FERMT2: variants seen among roughly 807,000 people sequenced by gnomAD.
The protein encoded by FERMT2 is FERM domain containing kindlin 2.
FERMT2 carries 15 observed loss-of-function variants against 82.7 expected under a neutral mutation model. That is an observed-to-expected ratio of 0.18 (90% CI 0.12 to 0.28). The LOEUF is 0.28. Among genes scored for constraint, FERMT2 ranks in the 10% least tolerant of loss-of-function variants. The pLI is 1.00. For synonymous variants in FERMT2, 274 were observed against 271.5 expected, an observed-to-expected ratio of 1.01 and a Z score of -0.09; for missense variants, 645 against 809.4, an observed-to-expected ratio of 0.80 and a Z score of 2.46.
intron 3 of FERMT2, among the ~76,000 whole-genome samples, chr14:52,914,530 A>C (rs908008290): frequency 6.6e-6 from 1 of 152,218 alleles, no homozygotes; most frequent in Non-Finnish European, 1.5e-5. Context: ...TAGAGGTTTA[A>C]TCCAATACCA....
intron 2 of FERMT2, among the ~76,000 whole-genome samples, chr14:52,935,848 T>C (rs968355226): frequency 6.6e-6 from 1 of 152,198 alleles, no homozygotes; most frequent in African/African-American, 2.4e-5. Context: ...GAATCTGAGA[T>C]AATGTCTATC....
chr14:52,944,602 T>C (rs1890241706), intron 2 of FERMT2, among the ~76,000 whole-genome samples: 2 of 152,360 alleles, frequency 1.3e-5, no homozygotes, highest in Non-Finnish European at 2.9e-5. Context: ...TGGTGCTCAA[T>C]TAATGAAACT....
intron 2 of FERMT2, among the ~76,000 whole-genome samples, chr14:52,945,734 C>A (rs1890319780): frequency 6.6e-6 from 1 of 152,162 alleles, no homozygotes; most frequent in African/African-American, 2.4e-5. Flanking sequence ...TTCCTCTCTG[C>A]TCACAGAGCT....
chr14:52,919,408 T>TTAA, intron 2 of FERMT2, 52 bp from the exon 3 acceptor site: 1 of 1,381,804 alleles, frequency 7.2e-7, no homozygotes, highest in Non-Finnish European at 1.0e-6. Flanking sequence ...AAGGTGATTT[T>TTAA]GAGAAATTAA....
At chr14:52,875,825 G>A (rs914760168) in intron 7 of FERMT2, among the ~76,000 whole-genome samples, 11 of 152,050 alleles carry the variant, frequency 7.2e-5, no homozygotes, top group South Asian at 2.1e-4. Flanking sequence ...TTATTATGTC[G>A]AAAGCTAAAA....
chr14:52,927,696 G>A (rs1354287664), intron 2 of FERMT2, among the ~76,000 whole-genome samples: 8 of 151,228 alleles, frequency 5.3e-5, no homozygotes, highest in Non-Finnish European at 1.0e-4. Context: ...TTGACTCTGG[G>A]TGGTCAAGGT....
intron 2 of FERMT2, among the ~76,000 whole-genome samples, chr14:52,930,142 G>C (rs1889495307): frequency 6.6e-6 from 1 of 152,030 alleles, no homozygotes; most frequent in Non-Finnish European, 1.5e-5. Flanking sequence ...TTCAACTTCA[G>C]AATTAAAATA....
At chr14:52,893,225 C>G in intron 4 of FERMT2, 68 bp downstream of exon 4, 4 of 1,394,976 alleles carry the variant, frequency 2.9e-6, no homozygotes, top group Non-Finnish European at 3.8e-6. Context: ...ATTTACCCAC[C>G]ACCAGAAAGA....
chr14:52,933,748 A>G (rs955216613), intron 2 of FERMT2, among the ~76,000 whole-genome samples: 5 of 151,600 alleles, frequency 3.3e-5, no homozygotes, highest in African/African-American at 1.2e-4. Flanking sequence ...GGGAAAAGAA[A>G]AAAACCCCAA....
chr14:52,921,746 G>A (rs1179831013), intron 2 of FERMT2, among the ~76,000 whole-genome samples: 1 of 151,232 alleles, frequency 6.6e-6, no homozygotes, highest in African/African-American at 2.4e-5. Context: ...AGAAAACAGG[G>A]GAAAAAAAAA....
intron 3 of FERMT2, among the ~76,000 whole-genome samples, 200 bp from the exon 4 acceptor site, chr14:52,893,627 G>T (rs1887081932): frequency 6.6e-6 from 1 of 152,070 alleles, no homozygotes; most frequent in African/African-American, 2.4e-5. Flanking sequence ...TATAATAAAT[G>T]TAATGACCTC....
At chr14:52,947,383 G>A (rs910842727) in intron 2 of FERMT2, among the ~76,000 whole-genome samples, 1 of 152,178 alleles carries the variant, frequency 6.6e-6, no homozygotes, top group Non-Finnish European at 1.5e-5. Context: ...GGAGGCTGAG[G>A]CAGGAGAATG....
chr14:52,891,073 A>G (rs1886912538), intron 4 of FERMT2, among the ~76,000 whole-genome samples: 1 of 152,220 alleles, frequency 6.6e-6, no homozygotes, highest in Non-Finnish European at 1.5e-5. Flanking sequence ...ATGGTTCTAC[A>G]ATGCCCTAGT....
intron 8 of FERMT2, among the ~76,000 whole-genome samples, 177 bp from the exon 9 acceptor site, chr14:52,874,403 A>G (rs1284023447): frequency 1.3e-5 from 2 of 152,214 alleles, no homozygotes; most frequent in Non-Finnish European, 2.9e-5. Flanking sequence ...TCTTCTTGGT[A>G]CAAAGGCATT....
intron 2 of FERMT2, among the ~76,000 whole-genome samples, chr14:52,934,228 C>A (rs765709083): frequency 2.6e-5 from 4 of 151,916 alleles, no homozygotes; most frequent in African/African-American, 7.3e-5. Flanking sequence ...TATAATTATT[C>A]CAAGATAAAA....
chr14:52,932,813 A>C (rs1889650357), intron 2 of FERMT2, among the ~76,000 whole-genome samples: 1 of 152,186 alleles, frequency 6.6e-6, no homozygotes, highest in Non-Finnish European at 1.5e-5. Context: ...CCCTTCTAGA[A>C]CTACTCTGTA....
intron 3 of FERMT2, among the ~76,000 whole-genome samples, chr14:52,903,185 C>T (rs765565189): frequency 1.3e-5 from 2 of 151,884 alleles, no homozygotes; most frequent in Non-Finnish European, 2.9e-5. Flanking sequence ...AGAAAAGATC[C>T]TAAAAGTTTC....
chr14:52,929,639 T>A lies in FERMT2; in HGVS notation c.158-10283A>T, dbSNP rs1889471558. Among the ~76,000 whole-genome samples, 4 of 152,320 alleles carry A rather than the reference T, an allele frequency of 2.6e-5. No individual in the cohort carries two copies. The South Asian group carries it at 6.2e-4, about 24-fold the overall frequency. On this transcript the variant is annotated intron_variant, in intron 2 of 14. Transcript: ENST00000341590. The stretch of plus-strand genomic sequence containing the variant: ...GCCGCAGTGCCCTTGTACATGCTAC[T>A]CCACTCCTGGAATGTCTAACTCTCT...
chr14:52,860,563 C>A, intron 12 of FERMT2, 98 bp from the exon 13 acceptor site: 2 of 990,954 alleles, frequency 2.0e-6, no homozygotes, highest in South Asian at 1.7e-5. Flanking sequence ...ACCCCGTACC[C>A]CAAAATCATA....
Sources: gnomAD v4.1 joint callset for allele counts (sites outside exome capture counted in the v4.1 genomes callset) on GRCh38, gnomAD v4.1.1 for gene constraint, MANE v1.5 for transcripts, NCBI Gene and HGNC (gene_info 2026-07-23, HGNC 2026-07-21) for gene names.